Variants in THSD7B observed in about 807,000 individuals in gnomAD.
THSD7B encodes thrombospondin type-1 domain-containing protein 7B.
Under a neutral mutation model 213.6 loss-of-function variants are expected in THSD7B, and 138 were observed. The ratio of observed to expected loss-of-function variants is 0.65; its 90% CI spans 0.56 to 0.74. The LOEUF is 0.74. THSD7B is among the 30% of genes least tolerant of loss of function. THSD7B has a pLI of 0.00. For missense variants in THSD7B, 1,931 were observed against 1,991.5 expected, an observed-to-expected ratio of 0.97 and a Z score of 0.58; for synonymous variants, 742 against 687.0, an observed-to-expected ratio of 1.08 and a Z score of -1.25.
chr2:137,421,521 G>T (rs912538577), intron 14 of THSD7B, among the ~76,000 whole-genome samples: 6 of 152,170 alleles, frequency 3.9e-5, no homozygotes, highest in African/African-American at 1.4e-4. Flanking sequence ...GACAAGAGGG[G>T]CATGGGGGTA....
At chr2:136,914,433 A>C (rs1272785714) in intron 2 of THSD7B, among the ~76,000 whole-genome samples, 2 of 152,176 alleles carry the variant, frequency 1.3e-5, no homozygotes, top group Non-Finnish European at 2.9e-5. Flanking sequence ...TTAAAATGTG[A>C]GGACATGAGA....
intron 1 of THSD7B, among the ~76,000 whole-genome samples, chr2:136,840,927 G>T (rs1459003544): frequency 1.3e-5 from 2 of 151,888 alleles, no homozygotes; most frequent in Non-Finnish European, 2.9e-5. Context: ...CAGATTTTTT[G>T]GTTTGATTGG....
At chr2:136,960,395 G>T (rs141304468) in intron 2 of THSD7B, among the ~76,000 whole-genome samples, 2 of 152,062 alleles carry the variant, frequency 1.3e-5, no homozygotes, top group African/African-American at 2.4e-5. Flanking sequence ...CACCTTGGCC[G>T]CTTGAAGTGC....
At chr2:136,944,885 C>A (rs1458855058) in intron 2 of THSD7B, among the ~76,000 whole-genome samples, 1 of 151,986 alleles carries the variant, frequency 6.6e-6, no homozygotes, top group Non-Finnish European at 1.5e-5. Context: ...TTAGCACATT[C>A]ACATTTAAGG....
At chr2:137,416,522 T>TCATTGAAATTC in intron 14 of THSD7B, among the ~76,000 whole-genome samples, 1 of 152,284 alleles carries the variant, frequency 6.6e-6, no homozygotes, top group African/African-American at 2.4e-5. Context: ...AATTGAGAGT[T>TCATTGAAATTC]CATTGAAATT....
At chr2:137,446,654 A>G (rs965984160) in intron 14 of THSD7B, among the ~76,000 whole-genome samples, 14 of 152,000 alleles carry the variant, frequency 9.2e-5, no homozygotes, top group African/African-American at 2.7e-4. Flanking sequence ...ACTGATAACT[A>G]AAATAGAACA....
chr2:137,556,208 T>C (rs142128292), intron 15 of THSD7B, among the ~76,000 whole-genome samples: 3,540 of 152,094 alleles, frequency 0.023, 158 homozygotes, highest in African/African-American at 0.082. Context: ...AAAGATACTC[T>C]TCGAGAAGAG....
intron 12 of THSD7B, among the ~76,000 whole-genome samples, chr2:137,296,037 A>G (rs1309223052): frequency 1.3e-5 from 2 of 152,166 alleles, no homozygotes; most frequent in Non-Finnish European, 2.9e-5. Flanking sequence ...TAGAAGGTTA[A>G]AAGTCAAATT....
chr2:136,934,609 A>T (rs1160972822), intron 2 of THSD7B, among the ~76,000 whole-genome samples: 1 of 152,190 alleles, frequency 6.6e-6, no homozygotes, highest in Non-Finnish European at 1.5e-5. Flanking sequence ...TCTTCTGTAG[A>T]TGAAGATAGA....
At position 136,800,195 on chromosome 2, in the gene THSD7B, T is replaced by G. The variant is rs1012594828; in HGVS notation, c.-36+34508T>G. On this transcript the variant is annotated intron_variant, in intron 1 of 27. Coordinates refer to ENST00000409968, the MANE Select transcript of THSD7B (RefSeq NM_001316349.2). ...CTATAATCATTTACAGAGGATGTAC[T>G]TTAAATAGTTTTCAACTCCCAGACC... is the stretch of plus-strand genomic sequence containing the variant. Among the ~76,000 whole-genome samples the G allele has an allele frequency of 9.2e-5, 14 of 152,186 alleles. No homozygotes were observed. In the East Asian group the frequency reaches 1.5e-3, roughly 17 times the overall value.
intron 1 of THSD7B, among the ~76,000 whole-genome samples, chr2:136,805,299 A>G (rs1682262347): frequency 6.6e-6 from 1 of 152,220 alleles, no homozygotes; most frequent in Non-Finnish European, 1.5e-5. Context: ...CGGCAGTTAG[A>G]TAAATTAGTG....
At chr2:137,518,893 G>A (rs1262839391) in intron 15 of THSD7B, among the ~76,000 whole-genome samples, 2 of 152,086 alleles carry the variant, frequency 1.3e-5, no homozygotes, top group Admixed American at 6.5e-5. Flanking sequence ...CTACTTGGTG[G>A]CAGGTTGATT....
At chr2:137,462,083 C>T (rs1315924041) in intron 15 of THSD7B, among the ~76,000 whole-genome samples, 2 of 151,962 alleles carry the variant, frequency 1.3e-5, no homozygotes, top group Admixed American at 1.3e-4. Context: ...AGAAAAATTC[C>T]AGAAATAAAC....
chr2:137,646,674 AT>A (rs1349568632), intron 21 of THSD7B, among the ~76,000 whole-genome samples: 22 of 148,958 alleles, frequency 1.5e-4, no homozygotes, highest in Non-Finnish European at 2.1e-4. Context: ...AATAATAATA[AT>A]AATAATAAAC....
At chr2:136,989,470 C>G (rs562649332) in intron 2 of THSD7B, among the ~76,000 whole-genome samples, 3 of 152,116 alleles carry the variant, frequency 2.0e-5, no homozygotes, top group Non-Finnish European at 2.9e-5. Flanking sequence ...ACTGGCTGCC[C>G]CTTTGCCTTT....
At chr2:137,058,378 C>G (rs1017904508) in intron 3 of THSD7B, among the ~76,000 whole-genome samples, 10 of 151,970 alleles carry the variant, frequency 6.6e-5, no homozygotes, top group African/African-American at 2.4e-4. Context: ...TCTTAATATT[C>G]CGTACTGTAT....
At chr2:137,334,095 T>C (rs1684579752) in intron 12 of THSD7B, among the ~76,000 whole-genome samples, 1 of 152,226 alleles carries the variant, frequency 6.6e-6, no homozygotes, top group South Asian at 2.1e-4. Flanking sequence ...TCAATATTAC[T>C]TCATTTGCAG....
intron 1 of THSD7B, among the ~76,000 whole-genome samples, chr2:136,795,894 A>G (rs558065708): frequency 1.3e-5 from 2 of 152,090 alleles, no homozygotes; most frequent in East Asian, 1.9e-4. Context: ...GTTTTATCAT[A>G]TACATTTTTT....
chr2:137,230,038 G>T (rs933044719), intron 7 of THSD7B, among the ~76,000 whole-genome samples: 9 of 152,116 alleles, frequency 5.9e-5, no homozygotes, highest in Non-Finnish European at 1.2e-4. Context: ...AACAATAAAT[G>T]ACGTCACTAT....
Sources: allele counts gnomAD v4.1 joint callset (sites outside exome capture counted in the v4.1 genomes callset), GRCh38; gene constraint gnomAD v4.1.1; transcripts MANE v1.5; gene names NCBI Gene and HGNC (gene_info 2026-07-23, HGNC 2026-07-21).